Variants in TBC1D5 observed in about 807,000 individuals in gnomAD.
TBC1D5 encodes TBC1 domain family, member 5.
TBC1D5 carries 75 observed loss-of-function variants against 100.3 expected under a neutral mutation model. The ratio of observed to expected loss-of-function variants is 0.75; its 90% CI spans 0.62 to 0.91. The LOEUF is 0.91. TBC1D5 is among the 40% of genes least tolerant of loss of function. TBC1D5 has a pLI of 0.00. For missense variants in TBC1D5, 910 were observed against 942.4 expected (o/e 0.97, Z 0.45); for synonymous variants, 323 against 325.6 (o/e 0.99, Z 0.09).
At chr3:17,192,117 G>A (rs1227845419) in intron 18 of TBC1D5, among the ~76,000 whole-genome samples, 1 of 151,860 alleles carries the variant, frequency 6.6e-6, no homozygotes, top group East Asian at 1.9e-4. Context: ...TGGAATTATG[G>A]GTGATTTTTT....
chr3:17,739,024 T>C (rs1445191843), intron 1 of TBC1D5, among the ~76,000 whole-genome samples: 1 of 152,150 alleles, frequency 6.6e-6, no homozygotes, highest in African/African-American at 2.4e-5. Context: ...ATTATTCTAG[T>C]AATAATTGAT....
At chr3:17,435,507 G>A (rs2094519688) in intron 3 of TBC1D5, among the ~76,000 whole-genome samples, 1 of 152,128 alleles carries the variant, frequency 6.6e-6, no homozygotes, top group African/African-American at 2.4e-5. Context: ...AATTAAAAGG[G>A]GGAAAAGCCC....
At chr3:17,589,865 G>A (rs886233451) in intron 2 of TBC1D5, among the ~76,000 whole-genome samples, 1 of 152,126 alleles carries the variant, frequency 6.6e-6, no homozygotes. Flanking sequence ...CAATAACCAT[G>A]TGAATACCTA....
chr3:17,664,646 C>G (rs900541214), intron 1 of TBC1D5, among the ~76,000 whole-genome samples: 4 of 152,000 alleles, frequency 2.6e-5, no homozygotes, highest in African/African-American at 9.7e-5. Flanking sequence ...TTCTTCTCAT[C>G]CCAAAAATGA....
At chr3:17,328,877 G>A (rs182054244) in intron 13 of TBC1D5, among the ~76,000 whole-genome samples, 5 of 152,074 alleles carry the variant, frequency 3.3e-5, no homozygotes, top group African/African-American at 1.2e-4. Flanking sequence ...TATATCTATC[G>A]GTCATTTGGT....
intron 1 of TBC1D5, among the ~76,000 whole-genome samples, chr3:17,651,460 C>CA (rs2065551284): frequency 6.6e-6 from 1 of 152,170 alleles, no homozygotes; most frequent in Non-Finnish European, 1.5e-5. Flanking sequence ...TCAGCATCTT[C>CA]AAAATGTTCC....
intron 13 of TBC1D5, among the ~76,000 whole-genome samples, chr3:17,366,915 G>A (rs1234458388): frequency 6.6e-6 from 1 of 152,048 alleles, no homozygotes; most frequent in African/African-American, 2.4e-5. Flanking sequence ...TAAAACAACT[G>A]CTAATCCAGA....
exon 1 of TBC1D5, chr3:17,739,789 G>C (rs968702718): frequency 1.2e-4 from 19 of 152,198 alleles, no homozygotes; most frequent in African/African-American, 4.6e-4. Flanking sequence ...CGGATTACTT[G>C]AGGTCAGCAG....
In TBC1D5 at chr3:17,711,897, A is replaced by C. The variant is rs546062938; in HGVS notation, c.-101+27446T>G. Among the ~76,000 whole-genome samples, 93 of 152,372 alleles carry C rather than the reference A, an allele frequency of 6.1e-4. No individual in the cohort carries two copies. In the South Asian group the frequency reaches 6.8e-3, roughly 11 times the overall value. On this transcript the variant is annotated intron_variant, in intron 1 of 21. Coordinates refer to ENST00000253692, the Ensembl canonical transcript of TBC1D5. ...CACAAGTGGAATTGTGTTGAAGGTA[A>C]TGTGCATGTTCCATTTTACAAGATA...
At chr3:17,738,490 G>C (rs1314144645) in intron 1 of TBC1D5, among the ~76,000 whole-genome samples, 1 of 152,110 alleles carries the variant, frequency 6.6e-6, no homozygotes, top group African/African-American at 2.4e-5. Context: ...CTAAGTAGCT[G>C]ACCAGCATGG....
intron 2 of TBC1D5, among the ~76,000 whole-genome samples, chr3:17,529,176 C>A (rs1425665367): frequency 2.0e-5 from 3 of 151,158 alleles, no homozygotes; most frequent in Admixed American, 6.5e-5. Context: ...AGAGAATCTA[C>A]AAGCCCCTGT....
At chr3:17,503,647 C>T (rs541439735) in intron 3 of TBC1D5, among the ~76,000 whole-genome samples, 1 of 149,554 alleles carries the variant, frequency 6.7e-6, no homozygotes, top group African/African-American at 2.5e-5. Context: ...CTATATACCA[C>T]GTTAGTAAGT....
intron 3 of TBC1D5, among the ~76,000 whole-genome samples, chr3:17,463,077 C>CA (rs1310260772): frequency 1.3e-5 from 2 of 152,076 alleles, no homozygotes; most frequent in Non-Finnish European, 2.9e-5. Context: ...AAAGCAAAAA[C>CA]AAAAAATAAT....
intron 15 of TBC1D5, among the ~76,000 whole-genome samples, chr3:17,286,076 T>G (rs1201275279): frequency 2.0e-5 from 3 of 152,238 alleles, no homozygotes; most frequent in Admixed American, 6.5e-5. Context: ...AAATTCTTAC[T>G]GCATAATCTA....
chr3:17,467,010 A>G (rs1265247315), intron 3 of TBC1D5, among the ~76,000 whole-genome samples: 2 of 152,116 alleles, frequency 1.3e-5, no homozygotes, highest in Non-Finnish European at 2.9e-5. Flanking sequence ...GAAAACATAC[A>G]AAGTATTCAC....
intron 4 of TBC1D5, among the ~76,000 whole-genome samples, chr3:17,421,248 T>A (rs1159193602): frequency 6.6e-6 from 1 of 151,260 alleles, no homozygotes; most frequent in East Asian, 1.9e-4. Flanking sequence ...GCCTCCACTA[T>A]GGAGATAAGA....
At chr3:17,621,725 CA>C (rs1474455857) in intron 2 of TBC1D5, among the ~76,000 whole-genome samples, 3 of 149,344 alleles carry the variant, frequency 2.0e-5, no homozygotes, top group Non-Finnish European at 4.4e-5. Context: ...TTTTTTTAAA[CA>C]AATCCACAAG....
At chr3:17,732,473 CTTTGGGAGG>C (rs1441918928) in intron 1 of TBC1D5, among the ~76,000 whole-genome samples, 1 of 152,144 alleles carries the variant, frequency 6.6e-6, no homozygotes, top group African/African-American at 2.4e-5. Context: ...AATCTCAGCA[CTTTGGGAGG>C]CCAAGGCGGA....
intron 1 of TBC1D5, among the ~76,000 whole-genome samples, chr3:17,729,564 G>A (rs1010923463): frequency 1.3e-5 from 2 of 152,026 alleles, no homozygotes; most frequent in Non-Finnish European, 2.9e-5. Flanking sequence ...AAAATTAGCT[G>A]GGCGTTGTGG....
Sources: gnomAD v4.1 joint callset for allele counts (sites outside exome capture counted in the v4.1 genomes callset) on GRCh38, gnomAD v4.1.1 for gene constraint, MANE v1.5 for transcripts, NCBI Gene and HGNC (gene_info 2026-07-23, HGNC 2026-07-21) for gene names.